The following MECOM variants were observed in gnomAD, a reference collection of about 807,000 sequenced individuals.
MECOM encodes MDS1 and EVI1 complex locus, also known as histone-lysine N-methyltransferase MECOM.
MECOM carries 13 observed loss-of-function variants against 116.3 expected under a neutral mutation model. The observed-to-expected ratio is 0.11, with a 90% CI of 0.07 to 0.18. MECOM has a LOEUF of 0.18. MECOM is among the 10% of genes least tolerant of loss of function. The pLI, the probability that MECOM is intolerant of heterozygous loss-of-function variation, is 1.00. For synonymous variants in MECOM, 528 were observed against 535.2 expected (o/e 0.99, Z 0.19); for missense variants, 1,299 against 1,509.0 (o/e 0.86, Z 2.31).
intron 2 of MECOM, among the ~76,000 whole-genome samples, chr3:169,235,760 C>A (rs1252642355): frequency 6.6e-6 from 1 of 151,380 alleles, no homozygotes; most frequent in Non-Finnish European, 1.5e-5. Flanking sequence ...GCAATAATAT[C>A]ATATTTATGT....
chr3:169,153,143 GATAAA>G (rs940830276), intron 2 of MECOM, among the ~76,000 whole-genome samples: 3 of 152,054 alleles, frequency 2.0e-5, no homozygotes, highest in Non-Finnish European at 2.9e-5. Flanking sequence ...AAAATATTAT[GATAAA>G]ATAAAAATGT....
At chr3:169,195,464 A>G (rs1447779375) in intron 2 of MECOM, among the ~76,000 whole-genome samples, 1 of 152,090 alleles carries the variant, frequency 6.6e-6, no homozygotes, top group African/African-American at 2.4e-5. Context: ...GAAACAGCAT[A>G]CAATTTTATA....
chr3:169,224,196 C>T (rs555933380), intron 2 of MECOM, among the ~76,000 whole-genome samples: 1 of 152,208 alleles, frequency 6.6e-6, no homozygotes, highest in East Asian at 1.9e-4. Flanking sequence ...TCCTGCTGGG[C>T]CCATTTCAAG....
intron 2 of MECOM, among the ~76,000 whole-genome samples, chr3:169,279,331 C>G (rs1759996453): frequency 6.6e-6 from 1 of 152,128 alleles, no homozygotes; most frequent in Non-Finnish European, 1.5e-5. Context: ...TTGGAATTAG[C>G]TGGGTCAGTT....
intron 2 of MECOM, among the ~76,000 whole-genome samples, chr3:169,292,565 C>G (rs1484837602): frequency 6.6e-6 from 1 of 152,050 alleles, no homozygotes; most frequent in African/African-American, 2.4e-5. Flanking sequence ...TCTGTTATCT[C>G]CCAGTGATCT....
chr3:169,567,898 T>C (rs1763421345), intron 1 of MECOM, among the ~76,000 whole-genome samples: 2 of 151,392 alleles, frequency 1.3e-5, no homozygotes, highest in Non-Finnish European at 2.9e-5. Flanking sequence ...AGAACCTGAG[T>C]TAAATTCAAA....
chr3:169,303,764 A>G (rs1717194127), intron 2 of MECOM, among the ~76,000 whole-genome samples: 1 of 152,154 alleles, frequency 6.6e-6, no homozygotes, highest in African/African-American at 2.4e-5. Flanking sequence ...CCTCTCTGCC[A>G]TTTTCCCTCA....
At chr3:169,533,843 T>TTA (rs1391047744) in intron 1 of MECOM, among the ~76,000 whole-genome samples, 2 of 152,180 alleles carry the variant, frequency 1.3e-5, no homozygotes, top group Non-Finnish European at 2.9e-5. Context: ...CTAATTTTCT[T>TTA]TAGAGTCTAA....
intron 1 of MECOM, among the ~76,000 whole-genome samples, chr3:169,622,523 C>T (rs1452996992): frequency 6.6e-6 from 1 of 152,226 alleles, no homozygotes; most frequent in East Asian, 1.9e-4. Context: ...TCAGAGTGAG[C>T]AAGAGCAGAA....
intron 1 of MECOM, among the ~76,000 whole-genome samples, chr3:169,563,732 A>G (rs1346162925): frequency 6.6e-6 from 1 of 152,196 alleles, no homozygotes; most frequent in East Asian, 1.9e-4. Context: ...AGCGATTCAC[A>G]CATTCCTCTA....
intron 16 of MECOM, among the ~76,000 whole-genome samples, chr3:169,087,709 C>A (rs1332207901): frequency 6.6e-6 from 1 of 152,052 alleles, no homozygotes; most frequent in African/African-American, 2.4e-5. Flanking sequence ...ACTAGCCACC[C>A]CTTATGGATG....
In MECOM at chr3:169,102,110, A is replaced by G; in HGVS notation, c.2721T>C (p.Asn907=). The G allele has an allele frequency of 6.2e-7, 1 of 1,613,790 alleles. No individual in the cohort carries two copies. The highest frequency in any genetic ancestry group is 2.2e-5 in the East Asian group (1 of 44,860). ...PSMFNFRAPP[N]ALPENLLRKG... ...TCCGCAGAAGGTTCTCTGGCAGGGC[A>G]TTGGGAGGCGCCCTGAAGTTGAACA... The change falls in exon 11 of 17, where the codon AAT becomes AAC. Residue 907 remains asparagine (N), a synonymous_variant. Transcript: ENST00000651503.
chr3:169,168,696 G>C (rs1336016190), intron 2 of MECOM, among the ~76,000 whole-genome samples: 1 of 151,746 alleles, frequency 6.6e-6, no homozygotes, highest in African/African-American at 2.4e-5. Flanking sequence ...TAGTCAGAGG[G>C]GGCTATAAAT....
At chr3:169,272,163 C>A (rs1281941446) in intron 2 of MECOM, among the ~76,000 whole-genome samples, 1 of 152,178 alleles carries the variant, frequency 6.6e-6, no homozygotes, top group Non-Finnish European at 1.5e-5. Flanking sequence ...GGAAGATTAA[C>A]CCTTTGGCAG....
intron 1 of MECOM, among the ~76,000 whole-genome samples, chr3:169,539,029 CA>C (rs557219132): frequency 0.012 from 1,658 of 137,140 alleles, 19 homozygotes; most frequent in African/African-American, 0.036. Context: ...TTATAGATTC[CA>C]AAAAAAAAAA....
chr3:169,175,375 T>C (rs1744996250), intron 2 of MECOM, among the ~76,000 whole-genome samples: 1 of 152,180 alleles, frequency 6.6e-6, no homozygotes, highest in Non-Finnish European at 1.5e-5. Flanking sequence ...CTTTGCTTTC[T>C]GACAATTCAA....
At position 169,321,540 on chromosome 3, in the gene MECOM, C is replaced by CAA. The variant is rs112385413; in HGVS notation, c.375+59645_375+59646dup. ...TGGGTGACAGAGCGAGACTCCGTCT[C>CAA]AAAAAAAAAAAAGAGTTTAAATCTG... is the stretch of plus-strand genomic sequence containing the variant. On this transcript the variant is annotated intron_variant, in intron 2 of 16. Transcript: ENST00000651503. Among the ~76,000 whole-genome samples, 611 of 136,908 alleles carry CAA rather than the reference C, an allele frequency of 4.5e-3. 4 individuals are homozygous for CAA. Among genetic ancestry groups the CAA allele is most frequent in the African/African-American group, 0.015 (571 of 38,296 alleles). The allele number at this position is 136,908 out of a possible 152,430, so 89.8% of individuals were successfully genotyped here.
intron 2 of MECOM, among the ~76,000 whole-genome samples, chr3:169,346,439 C>T (rs1012000967): frequency 2.0e-5 from 3 of 151,942 alleles, no homozygotes; most frequent in Non-Finnish European, 2.9e-5. Flanking sequence ...CTAACAATAA[C>T]CCAAGGTTGG....
intron 2 of MECOM, among the ~76,000 whole-genome samples, chr3:169,266,533 A>C (rs1267461763): frequency 6.6e-6 from 1 of 152,214 alleles, no homozygotes; most frequent in Non-Finnish European, 1.5e-5. Flanking sequence ...GCTCACTTCC[A>C]AGCCAATGGC....
Sources: allele counts gnomAD v4.1 joint callset (sites outside exome capture counted in the v4.1 genomes callset), GRCh38; gene constraint gnomAD v4.1.1; transcripts MANE v1.5; gene names NCBI Gene and HGNC (gene_info 2026-07-23, HGNC 2026-07-21).